LMF1: variants seen among roughly 807,000 people sequenced by gnomAD.
The protein encoded by LMF1 is transmembrane protein 112.
Under a neutral mutation model 60.6 loss-of-function variants are expected in LMF1, and 68 were observed. The observed-to-expected ratio is 1.12, with a 90% confidence interval of 0.92 to 1.37. LMF1 has a LOEUF of 1.37. LMF1 is among the 40% of genes most tolerant of loss of function. The pLI is 0.00. For missense variants in LMF1, 948 were observed against 767.2 expected, an observed-to-expected ratio of 1.24 and a Z score of -2.78; for synonymous variants, 418 against 324.7, an observed-to-expected ratio of 1.29 and a Z score of -3.09.
intron 1 of LMF1, chr16:980,915 AGG>A (rs1367772000): frequency 6.6e-6 from 1 of 151,728 alleles, no homozygotes; most frequent in African/African-American, 2.4e-5. Context: ...CCCGAGCCCT[AGG>A]TCACGCCCGG....
chr16:976,779 T>C (rs189096433), intron 1 of LMF1: 1 of 454,136 alleles, frequency 2.2e-6, no homozygotes, highest in Admixed American at 2.3e-5. Context: ...GGCGTGCACC[T>C]GTCACTGGGG....
intron 5 of LMF1, among the ~76,000 whole-genome samples, chr16:886,381 G>A (rs1204248187): frequency 1.3e-5 from 2 of 152,138 alleles, no homozygotes; most frequent in Non-Finnish European, 2.9e-5. Flanking sequence ...GGGAAATCCA[G>A]GCCCACGGAA....
rs563320159 is a variant in LMF1 at position 861,068 on chromosome 16, C to T, written c.1530-6362G>A. ...AACCTGTCCATCAATCTGGAAGGACCTGTCATCTCCACGTTGTTGTATCTT... is the reference window on the plus strand; with the variant it reads ...AACCTGTCCATCAATCTGGAAGGACTTGTCATCTCCACGTTGTTGTATCTT... On this transcript the variant is annotated intron_variant, in intron 10 of 10. Transcript: ENST00000262301. Among the ~76,000 whole-genome samples, 146 of 152,236 alleles carry T rather than the reference C, an allele frequency of 9.6e-4. 4 individuals carry two copies. Among genetic ancestry groups the T allele is most frequent in the African/African-American group, 3.4e-3 (141 of 41,546 alleles).
intron 1 of LMF1, 76 bp downstream of exon 1, chr16:970,712 G>C (rs900129809): frequency 2.3e-6 from 3 of 1,331,604 alleles, no homozygotes; most frequent in African/African-American, 1.5e-5. Flanking sequence ...CCGCGCGGAG[G>C]AGTCTCGAGG....
rs114845795 is a variant in LMF1 at position 976,342 on chromosome 16, G to C, written c.-135+4803C>G. 9.8e-4 allele frequency: 444 copies of C among 454,104 alleles called. 2 individuals are homozygous for C. Among genetic ancestry groups the C allele is most frequent in the African/African-American group, 7.9e-3 (397 of 50,140 alleles). 28.1% of individuals were successfully genotyped at this position (454,104 alleles called of 1,614,324 possible). On this transcript the variant is annotated intron_variant, in intron 1 of 6. Coordinates refer to the LMF1 transcript ENST00000570014. Reference sequence around the variant, plus strand: ...GAGCAATGACCAGGAATCAGGCTGCGATCTGTAGTCCAGGTGTCTGGCGTC... The same window carrying C: ...GAGCAATGACCAGGAATCAGGCTGCCATCTGTAGTCCAGGTGTCTGGCGTC...
At chr16:877,454 A>G (rs1048994043) in intron 6 of LMF1, among the ~76,000 whole-genome samples, 2 of 151,184 alleles carry the variant, frequency 1.3e-5, no homozygotes, top group East Asian at 3.9e-4. Flanking sequence ...TGCTTTCCAG[A>G]CTCCCGCAGA....
At position 868,966 on chromosome 16, in the gene LMF1, AG is replaced by A. The variant is rs2069692408; in HGVS notation, c.1506del (p.Phe503SerfsTer50). ...AEALSLLAHN[P>X]FAGRPPPRWV... The stretch of plus-strand genomic sequence containing the variant: ...TACCTGGGCGGGGGCCTGCCCGCGA[AG>A]GGGTTGTGTGCCAGCAGGGACAAGG... On this transcript the variant is annotated frameshift_variant, in exon 10 of 11. Coordinates refer to ENST00000262301, the MANE Select transcript of LMF1 (RefSeq NM_022773.4). LOFTEE classifies it low-confidence loss of function (END_TRUNC). 6.2e-7 allele frequency: 1 copy of A among 1,611,604 alleles called. No individual in the cohort carries two copies. The highest frequency in any genetic ancestry group is 8.5e-7 in the Non-Finnish European group (1 of 1,179,268).
At chr16:926,003 A>C (rs12596045) in intron 3 of LMF1, among the ~76,000 whole-genome samples, 4 of 151,824 alleles carry the variant, frequency 2.6e-5, no homozygotes, top group African/African-American at 9.7e-5. Context: ...GTATGCATGC[A>C]TGCATGTGTG....
At chr16:869,340 G>A in intron 9 of LMF1, 3 of 652,566 alleles carry the variant, frequency 4.6e-6, no homozygotes, top group Non-Finnish European at 8.5e-6. Flanking sequence ...GCCTCCCTGA[G>A]GCTCAGTTTT....
intron 5 of LMF1, among the ~76,000 whole-genome samples, chr16:889,868 G>C (rs538143609): frequency 6.6e-6 from 1 of 152,134 alleles, no homozygotes; most frequent in Non-Finnish European, 1.5e-5. Flanking sequence ...ATCCTCGTCC[G>C]AGACACAAGT....
At chr16:869,229 C>A (rs564650267) in intron 9 of LMF1, 173 bp from the exon 10 acceptor site, 8 of 660,400 alleles carry the variant, frequency 1.2e-5, no homozygotes, top group Admixed American at 1.1e-4. Context: ...CTGCCTGCTT[C>A]GTGTAGCCCT....
At chr16:941,813 C>G (rs76133478) in intron 2 of LMF1, among the ~76,000 whole-genome samples, 6 of 152,170 alleles carry the variant, frequency 3.9e-5, no homozygotes, top group African/African-American at 1.4e-4. Flanking sequence ...TCTCGCTTCA[C>G]GTAGAATTTA....
rs553653430 is a variant in LMF1, at chr16:965,771, G to A, written c.193+5017C>T. ...TATCTGTCCTGCTGGGCCGCACCTC[G>A]GGGCTGGAGGTGGGTAGAGGGGAAA... On this transcript the variant is annotated intron_variant, in intron 1 of 10. Coordinates refer to ENST00000262301, the MANE Select transcript of LMF1 (RefSeq NM_022773.4). Among the ~76,000 whole-genome samples the A allele has an allele frequency of 6.2e-4, 95 of 152,298 alleles. 2 individuals carry two copies. The South Asian group carries it at 0.018, about 30-fold the overall frequency.
chr16:956,486 T>TTAAAAA (rs1293597000), intron 1 of LMF1, among the ~76,000 whole-genome samples: 2 of 151,966 alleles, frequency 1.3e-5, no homozygotes, highest in African/African-American at 4.8e-5. Context: ...CTGAAAAAAA[T>TTAAAAA]TAAAAATAAA....
intron 10 of LMF1, among the ~76,000 whole-genome samples, chr16:864,592 G>T (rs866705920): frequency 6.6e-6 from 1 of 151,938 alleles, no homozygotes; most frequent in Non-Finnish European, 1.5e-5. Flanking sequence ...ACTCATTTTT[G>T]ACTTACATTT....
intron 1 of LMF1, among the ~76,000 whole-genome samples, chr16:955,467 GCATA>G (rs1567318128): frequency 1.9e-4 from 18 of 94,256 alleles, no homozygotes; most frequent in African/African-American, 4.2e-4. Context: ...CGCGGTGTGT[GCATA>G]CACACACACA....
At chr16:868,781 G>C (rs538372717) in intron 10 of LMF1, among the ~76,000 whole-genome samples, 163 bp downstream of exon 10, 16 of 148,292 alleles carry the variant, frequency 1.1e-4, no homozygotes, top group Admixed American at 3.3e-4. Context: ...TGGGGCGGGG[G>C]GGGGGGGCCC....
intron 10 of LMF1, among the ~76,000 whole-genome samples, chr16:865,617 G>A (rs930222340): frequency 3.3e-5 from 5 of 152,324 alleles, no homozygotes; most frequent in African/African-American, 1.2e-4. Flanking sequence ...GTTTAGGTTT[G>A]AATTTCTTTG....
rs1409212452 is a variant in LMF1 at position 947,746 on chromosome 16, T to C, written c.503+6611A>G. 1.4e-5 allele frequency: 5 copies of C among 363,692 alleles called. No homozygotes were observed. The East Asian group carries it at 3.7e-4, about 27-fold the overall frequency. The allele number at this position is 363,692 out of a possible 1,614,324, so 22.5% of individuals were successfully genotyped here. On this transcript the variant is annotated intron_variant, in intron 2 of 10. Coordinates refer to ENST00000262301, the MANE Select transcript of LMF1 (RefSeq NM_022773.4). Reference sequence around the variant, plus strand: ...GGCCACTGCCAAAGCCAAGCGCGGATGACAGTCAGAGCCAACGAGAGAGTC... The same window carrying C: ...GGCCACTGCCAAAGCCAAGCGCGGACGACAGTCAGAGCCAACGAGAGAGTC...
Sources: gnomAD v4.1 joint callset for allele counts (sites outside exome capture counted in the v4.1 genomes callset) on GRCh38, gnomAD v4.1.1 for gene constraint, MANE v1.5 for transcripts, NCBI Gene and HGNC (gene_info 2026-07-23, HGNC 2026-07-21) for gene names.